The following VSIG1 variants were observed in gnomAD, a reference collection of about 807,000 sequenced individuals.
VSIG1 encodes V-set and immunoglobulin domain containing 1, also known as V-set and immunoglobulin domain-containing protein 1.
A neutral mutation model predicts 20.1 loss-of-function variants in VSIG1; 11 were observed. The observed-to-expected ratio is 0.55, with a 90% CI of 0.34 to 0.91. VSIG1 has a LOEUF of 0.91. Among genes scored for constraint, VSIG1 ranks in the 40% least tolerant of loss-of-function variants. VSIG1 has a pLI of 0.02. For synonymous variants in VSIG1, 126 were observed against 116.7 expected (o/e 1.08, Z -0.52); for missense variants, 283 against 298.8 (o/e 0.95, Z 0.39).
intron 1 of VSIG1, among the ~76,000 whole-genome samples, chrX:108,054,507 A>G (rs1377946663): frequency 2.7e-5 from 3 of 111,551 alleles, no homozygotes; most frequent in Non-Finnish European, 5.7e-5. Context: ...CCACCCAACA[A>G]CAGCAGAACA....
At chrX:108,047,857 CACATATATATAT>C (rs2030638464) in intron 1 of VSIG1, among the ~76,000 whole-genome samples, 2 of 60,744 alleles carry the variant, frequency 3.3e-5, no homozygotes, top group Admixed American at 3.9e-4. Context: ...TATATATATA[CACATATATATAT>C]ACACATATAT....
the VSIG1 span, among the ~76,000 whole-genome samples, chrX:108,025,052 T>G: frequency 2.7e-4 from 30 of 111,882 alleles, no homozygotes; most frequent in South Asian, 1.1e-3. Context: ...GGGATATTGA[T>G]GCTTCCCACT....
At chrX:108,041,780 T>C (rs749195450), upstream of VSIG1, among the ~76,000 whole-genome samples, 55 of 107,309 alleles carry the variant, frequency 5.1e-4, no homozygotes, top group African/African-American at 1.8e-3. Context: ...AAATGAGGGA[T>C]AAATCAGATA....
chrX:108,027,156 C>G, the VSIG1 span, among the ~76,000 whole-genome samples: 1 of 111,512 alleles, frequency 9.0e-6, no homozygotes, highest in Non-Finnish European at 1.9e-5. Flanking sequence ...TATGACCCAG[C>G]ATTTTTACTC....
At chrX:108,048,846 G>A (rs183233322) in intron 1 of VSIG1, among the ~76,000 whole-genome samples, 6 of 112,502 alleles carry the variant, frequency 5.3e-5, no homozygotes, top group Admixed American at 2.8e-4. Flanking sequence ...ACTGGATGGC[G>A]CAGAGATAGA....
chrX:108,023,354 G>T, the VSIG1 span, among the ~76,000 whole-genome samples: 1 of 111,911 alleles, frequency 8.9e-6, no homozygotes, highest in African/African-American at 3.2e-5. Flanking sequence ...ATGTGAGTTT[G>T]TTAGTGTTTT....
At chrX:108,056,513 T>C (rs780881162) in intron 1 of VSIG1, among the ~76,000 whole-genome samples, 3 of 112,257 alleles carry the variant, frequency 2.7e-5, no homozygotes, top group Non-Finnish European at 5.6e-5. Flanking sequence ...CTAGATTATA[T>C]AGAGAACTCT....
At chrX:108,057,849 T>C (rs2030934606) in intron 1 of VSIG1, among the ~76,000 whole-genome samples, 189 bp from the exon 2 acceptor site, 2 of 111,549 alleles carry the variant, frequency 1.8e-5, no homozygotes, top group Non-Finnish European at 3.8e-5. Context: ...TATGATAATT[T>C]GTTAGAAACT....
chrX:108,029,157 A>G, the VSIG1 span, among the ~76,000 whole-genome samples: 1 of 112,379 alleles, frequency 8.9e-6, no homozygotes, highest in African/African-American at 3.2e-5. Context: ...ATTTCATGGG[A>G]CATACTTATG....
Position 108,077,393 on chromosome X carries a change from A to C in VSIG1, c.*12A>C, listed in dbSNP as rs767852131. The C allele has an allele frequency of 3.3e-6, 4 of 1,201,107 alleles. No homozygotes were observed. Among genetic ancestry groups the C allele is most frequent in the Non-Finnish European group, 4.5e-6 (4 of 889,941 alleles). On this transcript the variant is annotated 3_prime_UTR_variant, in exon 7 of 7. Coordinates refer to ENST00000217957, the MANE Select transcript of VSIG1 (RefSeq NM_182607.5). ...TGGTTAAGGCATAGGCTGGTGGCCT[A>C]AGTACAGCATTAATCATTAAGGAAC... is the stretch of plus-strand genomic sequence containing the variant.
At chrX:108,065,269 G>T (rs1265797120) in intron 2 of VSIG1, among the ~76,000 whole-genome samples, 1 of 111,270 alleles carries the variant, frequency 9.0e-6, no homozygotes, top group Non-Finnish European at 1.9e-5. Flanking sequence ...GGCCTGTTAA[G>T]GTAAAGCCCA....
In VSIG1 at chrX:108,078,237, A is replaced by T. The variant is rs993291031; in HGVS notation, c.*856A>T. ...GCATTTAAAATCAGGTCTTATAATT[A>T]ATGCTTCATTCCTCATATTAGATTT... On this transcript the variant is annotated 3_prime_UTR_variant, in exon 7 of 7. Transcript: ENST00000217957. The T allele has an allele frequency of 6.3e-5, 7 of 111,990 alleles. No individual in the cohort carries two copies. Among genetic ancestry groups the T allele is most frequent in the African/African-American group, 2.3e-4 (7 of 30,806 alleles). 9.2% of individuals were successfully genotyped at this position (111,990 alleles called of 1,213,427 possible). A position where few individuals can be genotyped will look rare whatever the true frequency, so the allele number is the denominator to read the frequency against.
intron 1 of VSIG1, among the ~76,000 whole-genome samples, chrX:108,045,416 A>T (rs890547613): frequency 1.8e-5 from 2 of 112,345 alleles, no homozygotes; most frequent in Non-Finnish European, 3.7e-5. Flanking sequence ...ATTTTCTCAG[A>T]AAAAAATATA....
chrX:108,061,506 G>A, intron 2 of VSIG1: 1 of 1,166,504 alleles, frequency 8.6e-7, no homozygotes, highest in Non-Finnish European at 1.1e-6. Flanking sequence ...CGCAAGAGAC[G>A]CTCGGGGAAG....
At chrX:108,067,165 C>A in intron 3 of VSIG1, 31 bp downstream of exon 3, 1 of 1,199,700 alleles carries the variant, frequency 8.3e-7, no homozygotes, top group Non-Finnish European at 1.1e-6. Flanking sequence ...TTTTTCTTTT[C>A]TTGGAAAAAG....
chrX:108,072,853 A>G, intron 4 of VSIG1, 21 bp downstream of exon 4: 2 of 1,204,842 alleles, frequency 1.7e-6, no homozygotes, highest in Non-Finnish European at 2.2e-6. Flanking sequence ...CCTGCAGTAG[A>G]CCCTGGAAAG....
chrX:108,052,424 C>A (rs2030804065), intron 1 of VSIG1, among the ~76,000 whole-genome samples: 1 of 110,502 alleles, frequency 9.0e-6, no homozygotes, highest in Admixed American at 9.7e-5. Context: ...CGTGGTGAAA[C>A]CCTATTTCTA....
At chrX:108,064,792 G>A in intron 2 of VSIG1, 1 of 743,761 alleles carries the variant, frequency 1.3e-6, no homozygotes, top group Non-Finnish European at 1.6e-6. Context: ...CTCCAGGTAA[G>A]AAACAACAAG....
Position 108,052,442 on chromosome X carries a change from T to TACAC in VSIG1, c.50-5578_50-5575dup, listed in dbSNP as rs764453844. Among the ~76,000 whole-genome samples, 86 of 107,026 alleles carry TACAC rather than the reference T, an allele frequency of 8.0e-4. 3 individuals carry two copies. In the East Asian group the frequency reaches 0.021, roughly 26 times the overall value. The allele number at this position is 107,026 out of a possible 115,157, so 92.9% of individuals were successfully genotyped here. ...GGTGAAACCCTATTTCTACCAAAAATACACACACACACACACACACAAAAT... is the reference window on the plus strand; with the variant it reads ...GGTGAAACCCTATTTCTACCAAAAATACACACACACACACACACACACACAAAAT... On this transcript the variant is annotated intron_variant, in intron 1 of 6. Coordinates refer to ENST00000217957, the MANE Select transcript of VSIG1 (RefSeq NM_182607.5).
Sources: gnomAD v4.1 joint callset for allele counts (sites outside exome capture counted in the v4.1 genomes callset) on GRCh38, gnomAD v4.1.1 for gene constraint, MANE v1.5 for transcripts, NCBI Gene and HGNC (gene_info 2026-07-23, HGNC 2026-07-21) for gene names.